The following DLG1 variants were observed in gnomAD, a reference collection of about 807,000 sequenced individuals.
DLG1 encodes disks large homolog 1.
Under a neutral mutation model 123.4 loss-of-function variants are expected in DLG1, and 42 were observed. The observed-to-expected ratio is 0.34, with a 90% CI of 0.27 to 0.44. The LOEUF (loss-of-function observed/expected upper bound fraction) is 0.44. Ranked by LOEUF, DLG1 falls within the 20% of genes least tolerant of loss-of-function variation. The probability of loss-of-function intolerance (pLI) is 1.00; values close to 1 mark genes in which losing one functional copy is unlikely to be tolerated. For missense variants in DLG1, 942 were observed against 1,082.6 expected (o/e 0.87, Z 1.82); for synonymous variants, 317 against 356.2 (o/e 0.89, Z 1.24).
intron 5 of DLG1, among the ~76,000 whole-genome samples, chr3:197,184,993 C>T (rs1714973856): frequency 6.6e-6 from 1 of 152,128 alleles, no homozygotes; most frequent in Non-Finnish European, 1.5e-5. Context: ...GTTTAAAATG[C>T]TTCCCAAGTG....
intron 4 of DLG1, among the ~76,000 whole-genome samples, chr3:197,254,277 A>G (rs1561707283): frequency 6.6e-6 from 1 of 152,252 alleles, no homozygotes; most frequent in Non-Finnish European, 1.5e-5. Context: ...GCAGTCTCAC[A>G]GTTCATACAC....
Position 197,071,673 on chromosome 3 carries a change from T to C in DLG1, c.2006-2413A>G, listed in dbSNP as rs1220472892. On this transcript the variant is annotated intron_variant, in intron 18 of 24. Coordinates refer to ENST00000667157, the MANE Select transcript of DLG1 (RefSeq NM_001366207.1). ...CCAAAGAAGACAGTCAAATAACCAATAAACATATAGAAAAGTGTTCAAGTT... is the reference window on the plus strand; with the variant it reads ...CCAAAGAAGACAGTCAAATAACCAACAAACATATAGAAAAGTGTTCAAGTT... 3.3e-5 allele frequency among the ~76,000 whole-genome samples: 5 copies of C among 152,282 alleles called. No individual in the cohort carries two copies. In the East Asian group the frequency reaches 9.6e-4, roughly 29 times the overall value.
At chr3:197,103,360 A>G (rs1258193601) in intron 14 of DLG1, among the ~76,000 whole-genome samples, 2 of 152,132 alleles carry the variant, frequency 1.3e-5, no homozygotes, top group African/African-American at 4.8e-5. Flanking sequence ...CCATACCTAA[A>G]AAGTTTATAT....
At chr3:197,261,095 ATGT>A (rs1759234043) in intron 4 of DLG1, among the ~76,000 whole-genome samples, 1 of 152,224 alleles carries the variant, frequency 6.6e-6, no homozygotes, top group African/African-American at 2.4e-5. Flanking sequence ...AGTTACAACT[ATGT>A]AACCTTTCAA....
At chr3:197,112,863 TG>T (rs2149376889) in intron 13 of DLG1, among the ~76,000 whole-genome samples, 1 of 152,328 alleles carries the variant, frequency 6.6e-6, no homozygotes, top group South Asian at 2.1e-4. Context: ...CCTGAGTTAC[TG>T]GGATTATAAG....
intron 13 of DLG1, among the ~76,000 whole-genome samples, chr3:197,107,327 G>A (rs555834208): frequency 3.9e-5 from 6 of 152,244 alleles, no homozygotes; most frequent in Admixed American, 1.3e-4. Context: ...GGCAGATCAC[G>A]AGGTCAGGAG....
intron 14 of DLG1, among the ~76,000 whole-genome samples, chr3:197,093,072 C>T (rs928234971): frequency 2.6e-5 from 4 of 152,058 alleles, no homozygotes; most frequent in Admixed American, 6.6e-5. Context: ...CCCACAAACA[C>T]GCAAATACAT....
chr3:197,252,004 T>C (rs1319078106), intron 4 of DLG1, among the ~76,000 whole-genome samples: 1 of 152,198 alleles, frequency 6.6e-6, no homozygotes, highest in African/African-American at 2.4e-5. Flanking sequence ...GGTTCCTGGC[T>C]GTACAGAACA....
chr3:197,208,311 G>A (rs1729652688), intron 4 of DLG1, among the ~76,000 whole-genome samples: 1 of 146,552 alleles, frequency 6.8e-6, no homozygotes, highest in Non-Finnish European at 1.5e-5. Context: ...TCTGTGGAGT[G>A]TACACTGGTA....
chr3:197,086,208 A>AT, intron 15 of DLG1, among the ~76,000 whole-genome samples: 1 of 152,344 alleles, frequency 6.6e-6, no homozygotes, highest in East Asian at 1.9e-4. Flanking sequence ...CTGTCCATTA[A>AT]TTATTCCTTC....
At chr3:197,075,758 G>A in intron 18 of DLG1, 1 of 1,303,816 alleles carries the variant, frequency 7.7e-7, no homozygotes, top group East Asian at 2.4e-5. Flanking sequence ...GCACTACCAT[G>A]AATCTCAAAA....
intron 5 of DLG1, among the ~76,000 whole-genome samples, chr3:197,164,669 C>T (rs531006456): frequency 6.7e-5 from 10 of 149,978 alleles, no homozygotes; most frequent in Middle Eastern, 3.4e-3. Context: ...TCGGAGGACG[C>T]GGCAGGCAGA....
Position 197,160,263 on chromosome 3 carries a change from T to C in DLG1, c.484-10467A>G, listed in dbSNP as rs570957405. ...GAATAGGAAAAGACAGGCTCCCAAA[T>C]GAATATAAAGAGACTGGTACAAATT... On this transcript the variant is annotated intron_variant, in intron 5 of 24. Transcript: ENST00000667157. Among the ~76,000 whole-genome samples, 3 of 151,898 alleles carry C rather than the reference T, an allele frequency of 2.0e-5. No individual in the cohort carries two copies. The South Asian group carries it at 6.2e-4, about 32-fold the overall frequency.
intron 23 of DLG1, 143 bp from the exon 24 acceptor site, chr3:197,051,811 G>T: frequency 2.1e-6 from 1 of 477,618 alleles, no homozygotes; most frequent in Non-Finnish European, 3.7e-6. Context: ...AAAAACTTGA[G>T]TCATTCTGGT....
chr3:197,131,844 C>T (rs932811999), intron 10 of DLG1, among the ~76,000 whole-genome samples: 8 of 151,924 alleles, frequency 5.3e-5, no homozygotes, highest in African/African-American at 1.9e-4. Context: ...CCGCCCGCCT[C>T]GGCCTCCCAA....
chr3:197,168,481 C>G (rs74924456), intron 5 of DLG1, among the ~76,000 whole-genome samples: 1 of 152,194 alleles, frequency 6.6e-6, no homozygotes, highest in Non-Finnish European at 1.5e-5. Context: ...GATATCAGAT[C>G]TGATCACAGG....
chr3:197,289,171 C>A (rs1237816952), intron 3 of DLG1, among the ~76,000 whole-genome samples: 1 of 152,282 alleles, frequency 6.6e-6, no homozygotes, highest in East Asian at 1.9e-4. Context: ...CTGTAATTAA[C>A]AAGAGCTAGT....
rs947283289 is a variant in DLG1 at position 197,133,214 on chromosome 3, A to T, written c.1021-2543T>A. On this transcript the variant is annotated intron_variant, in intron 10 of 24. Transcript: ENST00000667157. ...AAGAGAAGATTGATAAAAACAATGTACCAGTGCTTGTCTTCTTTGGAAAGC... is the reference window on the plus strand; with the variant it reads ...AAGAGAAGATTGATAAAAACAATGTTCCAGTGCTTGTCTTCTTTGGAAAGC... 3.9e-5 allele frequency among the ~76,000 whole-genome samples: 6 copies of T among 152,208 alleles called. No individual in the cohort carries two copies. In the East Asian group the frequency reaches 1.2e-3, roughly 29 times the overall value.
chr3:197,273,849 CA>C (rs58880007), intron 4 of DLG1, among the ~76,000 whole-genome samples: 91 of 48,712 alleles, frequency 1.9e-3, no homozygotes, highest in African/African-American at 5.4e-3. Flanking sequence ...TAATAGCTAC[CA>C]AAAAAAAAAA....
Sources: allele counts gnomAD v4.1 joint callset (sites outside exome capture counted in the v4.1 genomes callset), GRCh38; gene constraint gnomAD v4.1.1; transcripts MANE v1.5; gene names NCBI Gene and HGNC (gene_info 2026-07-23, HGNC 2026-07-21).